The following ALOX5 variants were observed in gnomAD, a reference collection of about 807,000 sequenced individuals.
ALOX5 encodes the protein arachidonate 5-lipoxygenase.
A neutral mutation model predicts 87.9 loss-of-function variants in ALOX5; 64 were observed. The ratio of observed to expected loss-of-function variants is 0.73; its 90% confidence interval spans 0.60 to 0.90. ALOX5 has a LOEUF of 0.90. Ranked by LOEUF, ALOX5 falls within the 40% of genes least tolerant of loss-of-function variation. The pLI is 0.00. For synonymous variants in ALOX5, 388 were observed against 355.1 expected (o/e 1.09, Z -1.04); for missense variants, 822 against 907.5 (o/e 0.91, Z 1.21).
chr10:45,441,083 C>T (rs540222629), intron 8 of ALOX5, among the ~76,000 whole-genome samples: 1 of 152,328 alleles, frequency 6.6e-6, no homozygotes, highest in East Asian at 1.9e-4. Flanking sequence ...CAGATTAAGA[C>T]AGTGAACTCA....
intron 2 of ALOX5, among the ~76,000 whole-genome samples, chr10:45,389,057 A>G (rs1433237342): frequency 1.3e-5 from 2 of 152,380 alleles, no homozygotes; most frequent in East Asian, 1.9e-4. Context: ...CACAAGCTTC[A>G]GTAGCCGATT....
chr10:45,410,170 G>GA (rs1841021603), intron 3 of ALOX5, among the ~76,000 whole-genome samples: 1 of 152,228 alleles, frequency 6.6e-6, no homozygotes, highest in Admixed American at 6.5e-5. Flanking sequence ...CAGGCAAAGA[G>GA]AAAATCATCA....
intron 7 of ALOX5, among the ~76,000 whole-genome samples, chr10:45,434,641 T>C (rs1842009607): frequency 6.6e-6 from 1 of 152,242 alleles, no homozygotes; most frequent in Non-Finnish European, 1.5e-5. Context: ...GCAATGGGCA[T>C]GGTCTCACTT....
chr10:45,439,027 C>T (rs1045416736), intron 7 of ALOX5, among the ~76,000 whole-genome samples: 1 of 152,108 alleles, frequency 6.6e-6, no homozygotes, highest in Non-Finnish European at 1.5e-5. Flanking sequence ...AAGTTCACAC[C>T]TGATTTTTAA....
intron 7 of ALOX5, among the ~76,000 whole-genome samples, chr10:45,439,260 G>C (rs147073946): frequency 5.9e-5 from 9 of 152,078 alleles, no homozygotes; most frequent in East Asian, 1.9e-4. Flanking sequence ...CACTGTTTTC[G>C]AGGGAGAGAC....
chr10:45,443,246 G>A (rs1413730026), intron 10 of ALOX5, 30 bp downstream of exon 10: 2 of 1,602,888 alleles, frequency 1.2e-6, no homozygotes, highest in Admixed American at 1.7e-5. Context: ...TGGTCCTGGG[G>A]GAGGAGCCGG....
rs538772700 is a variant in ALOX5, at chr10:45,445,797, G to A, written c.*110G>A. ...TCTTGGCAGTCACATCTCTTCCTCC[G>A]AGGCCAGTACCTTTCCATTTATTCT... is the stretch of plus-strand genomic sequence containing the variant. On this transcript the variant is annotated 3_prime_UTR_variant, in exon 14 of 14. Transcript: ENST00000374391. 223 of 1,193,938 alleles carry A rather than the reference G, an allele frequency of 1.9e-4. 1 individual carries two copies. In the African/African-American group the frequency reaches 2.6e-3, roughly 14 times the overall value. The allele number at this position is 1,193,938 out of a possible 1,614,324, so 74.0% of individuals were successfully genotyped here. A position where few individuals can be genotyped will look rare whatever the true frequency, so the allele number is the denominator to read the frequency against.
chr10:45,390,097 C>T (rs1840160111), intron 2 of ALOX5, among the ~76,000 whole-genome samples: 1 of 152,140 alleles, frequency 6.6e-6, no homozygotes, highest in African/African-American at 2.4e-5. Context: ...ACAAAGAAGG[C>T]CATTACATAA....
intron 3 of ALOX5, among the ~76,000 whole-genome samples, chr10:45,410,352 A>G (rs76117263): frequency 0.018 from 2,668 of 152,318 alleles, 74 homozygotes; most frequent in African/African-American, 0.059. Flanking sequence ...TTGTTAATAT[A>G]CTATCATTGG....
intron 3 of ALOX5, 129 bp downstream of exon 3, chr10:45,396,065 C>A (rs1041651522): frequency 1.2e-6 from 1 of 850,628 alleles, no homozygotes; most frequent in Non-Finnish European, 1.9e-6. Context: ...GGCACCAGCT[C>A]CCAGTGTGGG....
chr10:45,390,411 C>A (rs1378984468), intron 2 of ALOX5, among the ~76,000 whole-genome samples: 1 of 152,218 alleles, frequency 6.6e-6, no homozygotes, highest in African/African-American at 2.4e-5. Flanking sequence ...CTGCATCACA[C>A]CTATTCTGAA....
chr10:45,396,181 G>T (rs1347197152), intron 3 of ALOX5, among the ~76,000 whole-genome samples: 3 of 152,148 alleles, frequency 2.0e-5, no homozygotes, highest in Admixed American at 6.5e-5. Flanking sequence ...AGGAAGAATG[G>T]GCAGAAAAGC....
At chr10:45,439,268 G>A (rs757654679) in intron 7 of ALOX5, among the ~76,000 whole-genome samples, 2 of 152,120 alleles carry the variant, frequency 1.3e-5, no homozygotes, top group Non-Finnish European at 2.9e-5. Context: ...TCGAGGGAGA[G>A]ACGCCCAAGG....
chr10:45,396,748 T>C (rs184495673), intron 3 of ALOX5, among the ~76,000 whole-genome samples: 9 of 152,250 alleles, frequency 5.9e-5, no homozygotes, highest in Non-Finnish European at 1.3e-4. Context: ...ATACCAAAAC[T>C]AAAGGCATCA....
At chr10:45,394,909 C>A (rs148785420) in intron 2 of ALOX5, among the ~76,000 whole-genome samples, 1 of 152,132 alleles carries the variant, frequency 6.6e-6, no homozygotes, top group Admixed American at 6.5e-5. Context: ...TAATGATATA[C>A]CATCTCACAC....
At chr10:45,375,199 A>G (rs1839555922) in intron 1 of ALOX5, among the ~76,000 whole-genome samples, 1 of 152,158 alleles carries the variant, frequency 6.6e-6, no homozygotes, top group African/African-American at 2.4e-5. Context: ...CTCCCAGCAG[A>G]ATGTACACCA....
In ALOX5 at chr10:45,393,468, C is replaced by G. The variant is rs368643418; in HGVS notation, c.350-2387C>G. On this transcript the variant is annotated intron_variant, in intron 2 of 13. Coordinates refer to ENST00000374391, the MANE Select transcript of ALOX5 (RefSeq NM_000698.5). ...GGGACGTATCTCAAAATAATAAGAG[C>G]TATTTATGACAAACCCACAACCAAT... Among the ~76,000 whole-genome samples, 13 of 152,226 alleles carry G rather than the reference C, an allele frequency of 8.5e-5. 2 individuals carry two copies. Among genetic ancestry groups the G allele is most frequent in the Admixed American group, 2.6e-4 (4 of 15,272 alleles).
Position 45,444,168 on chromosome 10 carries a change from C to T in ALOX5, c.1727C>T (p.Pro576Leu). 1 of 1,556,626 alleles carries T rather than the reference C, an allele frequency of 6.4e-7. No individual in the cohort carries two copies. Among genetic ancestry groups the T allele is most frequent in the Non-Finnish European group, 8.7e-7 (1 of 1,150,242 alleles). ...GCGCCCCCAACCATGCGAGCCCCGC[C>T]ACCGACTGCCAAGGGCGTGGTGACC... ...PNAPPTMRAP[P>L]PTAKGVVTIE... Residue 576 changes from proline to leucine, a missense_variant, in exon 13 of 14, where the codon CCA becomes CTA. Coordinates refer to ENST00000374391, the MANE Select transcript of ALOX5 (RefSeq NM_000698.5).
chr10:45,407,178 G>T (rs1225809002), intron 3 of ALOX5, among the ~76,000 whole-genome samples: 1 of 151,978 alleles, frequency 6.6e-6, no homozygotes, highest in Non-Finnish European at 1.5e-5. Flanking sequence ...TAAAAAAAGT[G>T]TGTATACACT....
Sources: gnomAD v4.1 joint callset for allele counts (sites outside exome capture counted in the v4.1 genomes callset) on GRCh38, gnomAD v4.1.1 for gene constraint, MANE v1.5 for transcripts, NCBI Gene and HGNC (gene_info 2026-07-23, HGNC 2026-07-21) for gene names.